Variants in KIF1B observed in about 807,000 individuals in gnomAD.
KIF1B encodes the protein kinesin-like protein KIF1B.
A neutral mutation model predicts 241.9 loss-of-function variants in KIF1B; 76 were observed. That is an observed-to-expected ratio of 0.31 (90% CI 0.26 to 0.38). KIF1B has a LOEUF of 0.38. KIF1B is among the 10% of genes least tolerant of loss of function. The pLI, the probability that KIF1B is intolerant of heterozygous loss-of-function variation, is 1.00. For missense variants in KIF1B, 1,622 were observed against 2,271.4 expected (o/e 0.71, Z 5.81); for synonymous variants, 750 against 796.7 (o/e 0.94, Z 0.99).
chr1:10,282,474 A>G lies in KIF1B; in HGVS notation c.1375A>G (p.Ser459Gly). ...TCAGGTGGGCTTGACGTCTGTGACC[A>G]GTATTCAAGAGAGGATCATGTCTAC... ...SSQVGLTSVT[S>G]IQERIMSTPG... Residue 459 changes from serine to glycine, a missense_variant, in exon 15 of 49, where the codon AGT (serine) becomes GGT (glycine). Transcript: ENST00000676179. 1 of 1,614,218 alleles carries G rather than the reference A, an allele frequency of 6.2e-7. No homozygotes were observed. Among genetic ancestry groups the G allele is most frequent in the Non-Finnish European group, 8.5e-7 (1 of 1,180,034 alleles).
chr1:10,324,734 A>G lies in KIF1B; in HGVS notation c.2538-24A>G, dbSNP rs148249215. The G allele has an allele frequency of 2.6e-5, 42 of 1,613,350 alleles. No homozygotes were observed. The South Asian group carries it at 2.9e-4, about 11-fold the overall frequency. On this transcript the variant is annotated intron_variant, in intron 25 of 48. Transcript: ENST00000676179. ...AATGCAATCTCATTATATTAACCCA[A>G]TGTGCTTTGTGTTTACTAAATAGGC...
chr1:10,253,500 G>A (rs1056480707), intron 2 of KIF1B, among the ~76,000 whole-genome samples: 9 of 152,032 alleles, frequency 5.9e-5, no homozygotes, highest in South Asian at 4.2e-4. Flanking sequence ...ATAATTAGCC[G>A]GGTGTAGTGG....
chr1:10,375,108 ACT>A (rs2102363589), intron 47 of KIF1B, 62 bp downstream of exon 47: 5 of 1,563,844 alleles, frequency 3.2e-6, no homozygotes, highest in Non-Finnish European at 3.5e-6. Context: ...TGATTTCTGC[ACT>A]CTCTGTTACG....
intron 2 of KIF1B, among the ~76,000 whole-genome samples, chr1:10,234,521 GT>G (rs955843246): frequency 6.7e-6 from 1 of 149,178 alleles, no homozygotes; most frequent in African/African-American, 2.5e-5. Context: ...TTTTTTGTTT[GT>G]TTTTTCTTTT....
At position 10,261,921 on chromosome 1, in the gene KIF1B, T is replaced by C; in HGVS notation, c.380T>C (p.Phe127Ser). The change falls in exon 5 of 49, where the codon TTT becomes TCT. Residue 127 changes from phenylalanine to serine, a missense_variant. Around this residue, in one of 7 missense-constraint regions of KIF1B, gnomAD observed 156 missense variants for 244.8 expected, o/e 0.64. Coordinates refer to ENST00000676179, the MANE Select transcript of KIF1B (RefSeq NM_001365951.3). ...CTTCCCTAGTTATGTGAAGAACTTT[T>C]TGAGAAAATCAATGACAACTGTAAT... ...GIIPQLCEELFEKINDNCNEE... is the reference protein window; with the variant it reads ...GIIPQLCEELSEKINDNCNEE... The C allele has an allele frequency of 6.2e-7, 1 of 1,611,524 alleles. No individual in the cohort carries two copies. Among genetic ancestry groups the C allele is most frequent in the Non-Finnish European group, 8.5e-7 (1 of 1,177,608 alleles).
At chr1:10,371,027 C>T in intron 44 of KIF1B, 114 bp from the exon 45 acceptor site, 2 of 1,260,116 alleles carry the variant, frequency 1.6e-6, no homozygotes, top group East Asian at 2.3e-5. Context: ...CTTAAATGAC[C>T]TTCTGAAACA....
chr1:10,271,657 A>G (rs36071754), intron 8 of KIF1B, 78 bp downstream of exon 8: 2 of 943,620 alleles, frequency 2.1e-6, no homozygotes, highest in South Asian at 1.3e-5. Context: ...TTATTGAAAC[A>G]CAGCTACATA....
chr1:10,242,973 A>G (rs1647159061), intron 2 of KIF1B, among the ~76,000 whole-genome samples: 1 of 152,216 alleles, frequency 6.6e-6, no homozygotes, highest in Admixed American at 6.5e-5. Flanking sequence ...GGCTTACCAG[A>G]AAACTGTGGG....
chr1:10,212,927 TATATACAC>T (rs1241341787), intron 1 of KIF1B, among the ~76,000 whole-genome samples: 1 of 82,662 alleles, frequency 1.2e-5, no homozygotes, highest in Non-Finnish European at 2.2e-5. Context: ...TATATATATA[TATATACAC>T]ACACACATTT....
At chr1:10,240,873 TAAA>T (rs1647127364) in intron 2 of KIF1B, among the ~76,000 whole-genome samples, 1 of 152,042 alleles carries the variant, frequency 6.6e-6, no homozygotes, top group African/African-American at 2.4e-5. Flanking sequence ...CCTCATTTCT[TAAA>T]TATTCCTCAA....
At chr1:10,262,191 A>T (rs1414286279) in intron 5 of KIF1B, among the ~76,000 whole-genome samples, 1 of 152,082 alleles carries the variant, frequency 6.6e-6, no homozygotes, top group East Asian at 1.9e-4. Flanking sequence ...TCTGTTGCCC[A>T]GGCCCTGGAG....
chr1:10,291,059 T>C, intron 15 of KIF1B, 23 bp from the exon 16 acceptor site: 2 of 1,597,452 alleles, frequency 1.3e-6, no homozygotes, highest in Non-Finnish European at 1.7e-6. Flanking sequence ...TTTGCCTCTT[T>C]AACTGTGCGC....
At chr1:10,254,732 C>T (rs1020646044) in intron 2 of KIF1B, among the ~76,000 whole-genome samples, 1 of 151,798 alleles carries the variant, frequency 6.6e-6, no homozygotes, top group Non-Finnish European at 1.5e-5. Context: ...AAAAAATTAG[C>T]TGGGCGTGGT....
chr1:10,343,206 T>C (rs1377447559), intron 33 of KIF1B, 26 bp from the exon 34 acceptor site: 1 of 1,611,300 alleles, frequency 6.2e-7, no homozygotes, highest in East Asian at 2.2e-5. Context: ...TTTATAGTCT[T>C]GATCTTTGTC....
At chr1:10,253,447 C>A (rs980453772) in intron 2 of KIF1B, among the ~76,000 whole-genome samples, 2 of 151,988 alleles carry the variant, frequency 1.3e-5, no homozygotes, top group Non-Finnish European at 2.9e-5. Context: ...TTGAGACCAG[C>A]CTGGGCAACA....
At chr1:10,241,831 G>C (rs1647140615) in intron 2 of KIF1B, among the ~76,000 whole-genome samples, 1 of 152,056 alleles carries the variant, frequency 6.6e-6, no homozygotes, top group Non-Finnish European at 1.5e-5. Flanking sequence ...CCAATATCGT[G>C]GTGGTGATTG....
intron 27 of KIF1B, among the ~76,000 whole-genome samples, chr1:10,333,728 CTGTGATATGGAATT>C (rs1652050134): frequency 6.6e-6 from 1 of 152,070 alleles, no homozygotes; most frequent in Non-Finnish European, 1.5e-5. Flanking sequence ...AGACCATATG[CTGTGATATGGAATT>C]TATTTTAGAG....
rs1292408127 is a variant in KIF1B at position 10,380,928 on chromosome 1, C to T, written c.*4341C>T. The T allele has an allele frequency of 4.6e-6, 1 of 218,974 alleles. No individual in the cohort carries two copies. Among genetic ancestry groups the T allele is most frequent in the Non-Finnish European group, 9.2e-6 (1 of 108,994 alleles). 13.6% of individuals were successfully genotyped at this position (218,974 alleles called of 1,614,324 possible). On this transcript the variant is annotated 3_prime_UTR_variant, in exon 49 of 49. Transcript: ENST00000676179. ...TTATTTGCTGCTGTTATTCAAAAGG[C>T]CATTTATGAAGTTAGTATTTGAGCC...
intron 17 of KIF1B, among the ~76,000 whole-genome samples, chr1:10,292,743 T>A (rs1364728176): frequency 6.6e-6 from 1 of 152,202 alleles, no homozygotes; most frequent in Non-Finnish European, 1.5e-5. Context: ...TAGTAAGGGT[T>A]TTTTTGTTTT....
Sources: gnomAD v4.1 joint callset for allele counts (sites outside exome capture counted in the v4.1 genomes callset) on GRCh38, gnomAD v4.1.1 for gene constraint, gnomAD v4.1.1 regional missense constraint, MANE v1.5 for transcripts, NCBI Gene and HGNC (gene_info 2026-07-23, HGNC 2026-07-21) for gene names.